Variants in WDR49 observed in about 807,000 individuals in gnomAD.
WDR49 encodes the protein cilia- and flagella-associated protein 337.
A neutral mutation model predicts 119.5 loss-of-function variants in WDR49; 107 were observed. The observed-to-expected ratio is 0.90, with a 90% CI of 0.77 to 1.05. The LOEUF is 1.05. Ranked by LOEUF, WDR49 falls within the 50% of genes least tolerant of loss-of-function variation. WDR49 has a pLI of 0.00. For synonymous variants in WDR49, 425 were observed against 418.8 expected (o/e 1.01, Z -0.18); for missense variants, 1,240 against 1,220.5 (o/e 1.02, Z -0.24).
Position 167,529,150 on chromosome 3 carries a change from G to A in WDR49, c.2308C>T (p.His770Tyr), listed in dbSNP as rs774719164. The change falls in exon 14 of 19, where the codon CAT becomes TAT. Residue 770 changes from histidine (H) to tyrosine (Y), a missense_variant. Coordinates refer to ENST00000682715, the MANE Select transcript of WDR49 (RefSeq NM_001366157.1). The part of the protein sequence containing the change: ...KKQLLAEFLA[H>Y]SGVGSIIMST... Reference sequence around the variant, plus strand: ...ATAATAATCGATCCAACTCCACTATGAGCCAAAAATTCAGCCAGAAGTTGC... The same window carrying A: ...ATAATAATCGATCCAACTCCACTATAAGCCAAAAATTCAGCCAGAAGTTGC... 6 of 1,611,984 alleles carry A rather than the reference G, an allele frequency of 3.7e-6. No homozygotes were observed. The South Asian group carries it at 4.4e-5, about 12-fold the overall frequency.
intron 15 of WDR49, among the ~76,000 whole-genome samples, chr3:167,525,599 G>A (rs7626569): frequency 0.012 from 1,799 of 152,132 alleles, 36 homozygotes; most frequent in African/African-American, 0.04. Flanking sequence ...TAGCACAACA[G>A]TAGTTAGTGC....
chr3:167,606,696 T>C (rs998143466), intron 5 of WDR49, among the ~76,000 whole-genome samples: 4 of 152,282 alleles, frequency 2.6e-5, no homozygotes, highest in Admixed American at 2.6e-4. Flanking sequence ...AAGTGTGTCA[T>C]GAAACACAAA....
intron 2 of WDR49, among the ~76,000 whole-genome samples, chr3:167,631,927 GA>G (rs1176502082): frequency 6.6e-6 from 1 of 151,960 alleles, no homozygotes; most frequent in African/African-American, 2.4e-5. Context: ...AATTGATATC[GA>G]GCCCTTTGAA....
intron 8 of WDR49, among the ~76,000 whole-genome samples, chr3:167,565,212 A>T (rs1473067296): frequency 6.6e-6 from 1 of 152,092 alleles, no homozygotes; most frequent in Non-Finnish European, 1.5e-5. Flanking sequence ...TTCTTCAATT[A>T]ATTGGTAATT....
intron 16 of WDR49, among the ~76,000 whole-genome samples, chr3:167,515,004 C>A (rs1037542200): frequency 4.0e-5 from 6 of 151,786 alleles, no homozygotes; most frequent in Non-Finnish European, 5.9e-5. Context: ...GCCTACAAAC[C>A]AAAAAAGCCA....
intron 7 of WDR49, among the ~76,000 whole-genome samples, chr3:167,596,821 G>C (rs1715480211): frequency 6.6e-6 from 1 of 150,986 alleles, no homozygotes. Context: ...ATATACATAT[G>C]TAACTAACCT....
At chr3:167,574,345 TGTGA>T (rs1284505143) in intron 8 of WDR49, among the ~76,000 whole-genome samples, 3 of 152,254 alleles carry the variant, frequency 2.0e-5, no homozygotes, top group Non-Finnish European at 2.9e-5. Flanking sequence ...CTGATGGGAA[TGTGA>T]GTGATATTTT....
At chr3:167,585,186 G>T (rs2108291420) in intron 7 of WDR49, among the ~76,000 whole-genome samples, 1 of 151,986 alleles carries the variant, frequency 6.6e-6, no homozygotes, top group Non-Finnish European at 1.5e-5. Flanking sequence ...TGTTCATCAG[G>T]TTCACACACA....
At chr3:167,514,468 A>T (rs1193906607) in intron 16 of WDR49, among the ~76,000 whole-genome samples, 1 of 152,156 alleles carries the variant, frequency 6.6e-6, no homozygotes, top group South Asian at 2.1e-4. Flanking sequence ...GTTAACAGAA[A>T]AATTTACAGC....
chr3:167,537,559 A>G (rs1711536954), intron 10 of WDR49, among the ~76,000 whole-genome samples: 1 of 152,292 alleles, frequency 6.6e-6, no homozygotes, highest in South Asian at 2.1e-4. Context: ...ATGCCACCCC[A>G]AAGAAGTAGG....
At position 167,522,435 on chromosome 3, in the gene WDR49, G is replaced by T; in HGVS notation, c.2654C>A (p.Thr885Asn). The part of the protein sequence containing the change: ...ENCLFLPKRD[T>N]NLVESEIQKE... The stretch of plus-strand genomic sequence containing the variant: ...TTGAATCTCACTTTCCACTAAATTA[G>T]TATCTCTTTTAGGAAGGAAAAGGCA... The change falls in exon 16 of 19, where the codon ACT (threonine) becomes AAT (asparagine). Residue 885 changes from threonine to asparagine, a missense_variant. Transcript: ENST00000682715. 3 of 1,609,952 alleles carry T rather than the reference G, an allele frequency of 1.9e-6. No individual in the cohort carries two copies. The highest frequency in any genetic ancestry group is 1.3e-5 in the African/African-American group (1 of 74,720).
Position 167,522,500 on chromosome 3 carries a change from A to T in WDR49, c.2605-16T>A. ...AGTGCTTTGCCTGAAAAAAACGAAA[A>T]CATCTGTTTTATTTTTATGAAATTT... On this transcript the variant is annotated splice_polypyrimidine_tract_variant and intron_variant, in intron 15 of 18. Transcript: ENST00000682715. The T allele has an allele frequency of 6.3e-7, 1 of 1,583,760 alleles. No homozygotes were observed.
In WDR49 at chr3:167,605,017, T is replaced by G. The variant is rs868723237; in HGVS notation, c.959-549A>C. On this transcript the variant is annotated intron_variant, in intron 5 of 18. Coordinates refer to ENST00000682715, the MANE Select transcript of WDR49 (RefSeq NM_001366157.1). Reference sequence around the variant, plus strand: ...GTATAATAACTTAATTTGCTTTGTGTGTGTGTGTGTGTGTGTGTGTGTGTG... The same window carrying G: ...GTATAATAACTTAATTTGCTTTGTGGGTGTGTGTGTGTGTGTGTGTGTGTG... Among the ~76,000 whole-genome samples the G allele has an allele frequency of 3.7e-5, 5 of 134,940 alleles. No homozygotes were observed. The South Asian group carries it at 6.4e-4, about 17-fold the overall frequency. 88.5% of individuals were successfully genotyped at this position (134,940 alleles called of 152,430 possible). A position where few individuals can be genotyped will look rare whatever the true frequency, so the allele number is the denominator to read the frequency against.
intron 8 of WDR49, among the ~76,000 whole-genome samples, chr3:167,566,172 C>A (rs1051911181): frequency 2.0e-5 from 3 of 152,156 alleles, no homozygotes; most frequent in Admixed American, 6.5e-5. Context: ...TTATGGAGAG[C>A]ATTTGGCAAT....
At chr3:167,523,814 G>A (rs140359140) in intron 15 of WDR49, among the ~76,000 whole-genome samples, 1 of 152,188 alleles carries the variant, frequency 6.6e-6, no homozygotes, top group African/African-American at 2.4e-5. Context: ...ATTTGGGTTG[G>A]TTCCAAGTCT....
chr3:167,617,639 G>A (rs550656937), intron 5 of WDR49, among the ~76,000 whole-genome samples: 21 of 152,146 alleles, frequency 1.4e-4, no homozygotes, highest in Non-Finnish European at 2.5e-4. Flanking sequence ...CGGAGGAGAA[G>A]ATGAACTGGG....
chr3:167,627,267 C>T lies in WDR49; in HGVS notation c.191G>A (p.Cys64Tyr). 1 of 1,236,934 alleles carries T rather than the reference C, an allele frequency of 8.1e-7. No homozygotes were observed. The highest frequency in any genetic ancestry group is 1.0e-6 in the Non-Finnish European group (1 of 989,770). The allele number at this position is 1,236,934 out of a possible 1,614,324, so 76.6% of individuals were successfully genotyped here. Residue 64 changes from cysteine (C) to tyrosine (Y), a missense_variant, in exon 3 of 19, where the codon TGT becomes TAT. Coordinates refer to ENST00000682715, the MANE Select transcript of WDR49 (RefSeq NM_001366157.1). ...CTGCGTGAAGTCTTCTCTGGACATA[C>T]AAATGATTTTCCTTGGCTGTGGGGA... is the stretch of plus-strand genomic sequence containing the variant. ...FESPQPRKII[C>Y]MSREDFTQKM... is the part of the protein sequence containing the mutation.
intron 2 of WDR49, among the ~76,000 whole-genome samples, chr3:167,637,580 T>C (rs562145828): frequency 1.3e-4 from 19 of 151,798 alleles, no homozygotes; most frequent in African/African-American, 4.6e-4. Flanking sequence ...AGATTGCTTT[T>C]GGCAGTATGG....
chr3:167,604,248 C>T, intron 6 of WDR49, 53 bp downstream of exon 6: 2 of 1,590,786 alleles, frequency 1.3e-6, no homozygotes, highest in African/African-American at 1.3e-5. Flanking sequence ...TACAAATATA[C>T]ATCCCAGACT....
Sources: allele counts gnomAD v4.1 joint callset (sites outside exome capture counted in the v4.1 genomes callset), GRCh38; gene constraint gnomAD v4.1.1; transcripts MANE v1.5; gene names NCBI Gene and HGNC (gene_info 2026-07-23, HGNC 2026-07-21).